CAT: variants seen among roughly 807,000 people sequenced by gnomAD.
The protein encoded by CAT is catalase.
Under a neutral mutation model 59.0 loss-of-function variants are expected in CAT, and 43 were observed. That is an observed-to-expected ratio of 0.73 (90% CI 0.57 to 0.94). The LOEUF (loss-of-function observed/expected upper bound fraction) is 0.94. Ranked by LOEUF, CAT falls within the 40% of genes least tolerant of loss-of-function variation. CAT has a pLI of 0.00. For synonymous variants in CAT, 218 were observed against 230.9 expected (o/e 0.94, Z 0.51); for missense variants, 664 against 682.9 (o/e 0.97, Z 0.31).
chr11:34,451,550 C>T (rs546779895), intron 3 of CAT, among the ~76,000 whole-genome samples: 47 of 152,320 alleles, frequency 3.1e-4, no homozygotes, highest in African/African-American at 1.0e-3. Context: ...TCTCACGTTA[C>T]AGAGATAGTA....
chr11:34,470,796 C>A, intron 11 of CAT, 162 bp from the exon 12 acceptor site: 1 of 737,156 alleles, frequency 1.4e-6, no homozygotes. Flanking sequence ...ACTGGACCTG[C>A]ATCTTAACTC....
intron 1 of CAT, among the ~76,000 whole-genome samples, chr11:34,445,319 C>G (rs549162965): frequency 6.6e-6 from 1 of 151,480 alleles, no homozygotes; most frequent in East Asian, 1.9e-4. Flanking sequence ...ATGATGGAAC[C>G]CTGTCTTTAC....
At chr11:34,462,900 A>G (rs954998739) in intron 9 of CAT, among the ~76,000 whole-genome samples, 10 of 152,328 alleles carry the variant, frequency 6.6e-5, no homozygotes, top group African/African-American at 2.4e-4. Context: ...TGAAGAAAAC[A>G]CTGTGATGGC....
At chr11:34,460,308 T>G (rs915591110) in intron 8 of CAT, among the ~76,000 whole-genome samples, 1 of 152,192 alleles carries the variant, frequency 6.6e-6, no homozygotes, top group Non-Finnish European at 1.5e-5. Flanking sequence ...TAATTTAATC[T>G]TAGATTGATT....
intron 10 of CAT, among the ~76,000 whole-genome samples, chr11:34,467,143 A>G (rs534160367): frequency 3.0e-4 from 45 of 152,364 alleles, no homozygotes; most frequent in African/African-American, 1.1e-3. Context: ...GATGCAAAAA[A>G]GGAATATTAT....
chr11:34,443,732 G>A (rs1297880140), intron 1 of CAT, among the ~76,000 whole-genome samples: 2 of 152,144 alleles, frequency 1.3e-5, no homozygotes, highest in African/African-American at 4.8e-5. Context: ...GAGAGGTTAA[G>A]TCTTAGACTA....
chr11:34,462,502 G>A (rs970085615), intron 9 of CAT, among the ~76,000 whole-genome samples: 12 of 152,162 alleles, frequency 7.9e-5, no homozygotes, highest in Non-Finnish European at 1.6e-4. Context: ...TTGGCTCACT[G>A]CAGCCTCTGC....
intron 2 of CAT, 80 bp from the exon 3 acceptor site, chr11:34,450,908 T>C (rs1856516409): frequency 1.1e-6 from 1 of 924,176 alleles, no homozygotes; most frequent in East Asian, 2.4e-5. Flanking sequence ...TCATTTTCTC[T>C]TGTCACCCAG....
At chr11:34,450,208 A>G (rs17881288) in intron 2 of CAT, among the ~76,000 whole-genome samples, 1,546 of 152,344 alleles carry the variant, frequency 0.01, 16 homozygotes, top group Middle Eastern at 0.037. Context: ...ACATAGACAC[A>G]TGCACTGCAA....
chr11:34,452,570 T>A (rs1053815802), intron 4 of CAT, among the ~76,000 whole-genome samples: 3 of 151,888 alleles, frequency 2.0e-5, no homozygotes, highest in Non-Finnish European at 2.9e-5. Context: ...GGAGGGTGGG[T>A]ATATTTTTTC....
At position 34,453,857 on chromosome 11, in the gene CAT, A is replaced by G; in HGVS notation, c.642A>G (p.Gly214=). Residue 214 remains glycine, a synonymous_variant, in exon 6 of 13, where the codon GGA becomes GGG. Transcript: ENST00000241052. Reference sequence around the variant, plus strand: ...CAGATGGACATCGCCACATGAATGGATATGGATCACATACTTTCAAGCTGG... The same window carrying G: ...CAGATGGACATCGCCACATGAATGGGTATGGATCACATACTTTCAAGCTGG... ...GIPDGHRHMN[G]YGSHTFKLVN... 1.9e-6 allele frequency: 3 copies of G among 1,613,582 alleles called. No homozygotes were observed. Among genetic ancestry groups the G allele is most frequent in the South Asian group, 1.1e-5 (1 of 91,074 alleles).
At chr11:34,446,615 G>T (rs1457328920) in intron 1 of CAT, among the ~76,000 whole-genome samples, 1 of 152,172 alleles carries the variant, frequency 6.6e-6, no homozygotes, top group African/African-American at 2.4e-5. Flanking sequence ...TCTCATCTCT[G>T]CCTTAGGGGC....
chr11:34,443,201 T>C (rs494024), intron 1 of CAT, among the ~76,000 whole-genome samples: 108,047 of 152,042 alleles, frequency 0.71, 40,441 homozygotes, highest in East Asian at 0.96. Flanking sequence ...GAGAGCTTTA[T>C]GGTTTGGGAC....
At chr11:34,461,478 G>A (rs1414965042) in intron 9 of CAT, 89 bp downstream of exon 9, 2 of 1,482,852 alleles carry the variant, frequency 1.3e-6, no homozygotes, top group Admixed American at 1.7e-5. Flanking sequence ...CTCTCAAGCT[G>A]GCCCCGCAGG....
At chr11:34,453,240 T>A in intron 5 of CAT, 46 bp downstream of exon 5, 1 of 1,049,516 alleles carries the variant, frequency 9.5e-7, no homozygotes, top group Non-Finnish European at 1.5e-6. Flanking sequence ...TGGGATGCAG[T>A]GTTTAATTAT....
Position 34,453,132 on chromosome 11 carries a change from C to A in CAT, c.523C>A (p.His175Asn). 6.2e-7 allele frequency: 1 copy of A among 1,613,222 alleles called. No individual in the cohort carries two copies. The highest frequency in any genetic ancestry group is 8.5e-7 in the Non-Finnish European group (1 of 1,179,214). The part of the protein sequence containing the change: ...IHSQKRNPQT[H>N]LKDPDMVWDF... ...CAGCCAAAAGAGAAATCCTCAGACA[C>A]ATCTGAAGGATCCGGACATGGTCTG... The change falls in exon 5 of 13, where the codon CAT becomes AAT. Residue 175 changes from histidine to asparagine, a missense_variant. By Grantham distance (68) the His-to-Asn change is moderately conservative (BLOSUM62 1). Coordinates refer to ENST00000241052, the MANE Select transcript of CAT (RefSeq NM_001752.4).
At chr11:34,442,495 G>T (rs969198765) in intron 1 of CAT, among the ~76,000 whole-genome samples, 2 of 152,208 alleles carry the variant, frequency 1.3e-5, no homozygotes, top group East Asian at 3.8e-4. Flanking sequence ...CAGCTGCTTG[G>T]GAGGCTGAGG....
rs74625067 is a variant in CAT at position 34,469,555 on chromosome 11, A to G, written c.1434+1160A>G. ...AGGCTGTGTCTGGGCCCGTTTCTCA[A>G]TGTAAATCACTGTAATTTGTTAAGC... On this transcript the variant is annotated intron_variant, in intron 11 of 12. Transcript: ENST00000241052. Among the ~76,000 whole-genome samples, 1,432 of 152,176 alleles carry G rather than the reference A, an allele frequency of 9.4e-3. 21 individuals are homozygous for G. Among genetic ancestry groups the G allele is most frequent in the Non-Finnish European group, 8.4e-3 (574 of 68,004 alleles).
chr11:34,441,641 A>C (rs866795183), intron 1 of CAT, among the ~76,000 whole-genome samples: 1 of 152,190 alleles, frequency 6.6e-6, no homozygotes, highest in Non-Finnish European at 1.5e-5. Context: ...AACAAATAAA[A>C]GAAGTAGCCA....
Sources: allele counts gnomAD v4.1 joint callset (sites outside exome capture counted in the v4.1 genomes callset), GRCh38; gene constraint gnomAD v4.1.1; transcripts MANE v1.5; gene names NCBI Gene and HGNC (gene_info 2026-07-23, HGNC 2026-07-21).